DOCK10: variants seen among roughly 807,000 people sequenced by gnomAD.
DOCK10 encodes dedicator of cytokinesis 10, also known as dedicator of cytokinesis protein 10.
DOCK10 carries 145 observed loss-of-function variants against 280.1 expected under a neutral mutation model. That is an observed-to-expected ratio of 0.52 (90% CI 0.45 to 0.59). The LOEUF is 0.59. Among genes scored for constraint, DOCK10 ranks in the 20% least tolerant of loss-of-function variants. The pLI is 0.00. For synonymous variants in DOCK10, 915 were observed against 942.2 expected, an observed-to-expected ratio of 0.97 and a Z score of 0.53; for missense variants, 2,368 against 2,651.7, an observed-to-expected ratio of 0.89 and a Z score of 2.35.
In DOCK10 at chr2:224,804,779, A is replaced by G; in HGVS notation, c.4166+15T>C. On this transcript the variant is annotated intron_variant, in intron 38 of 55. Transcript: ENST00000258390. ...TAAAAGACCAGATTAACCTATTGGAATTTAAAATTAGTACCTTATTATGTT... is the reference window on the plus strand; with the variant it reads ...TAAAAGACCAGATTAACCTATTGGAGTTTAAAATTAGTACCTTATTATGTT... 1 of 1,476,058 alleles carries G rather than the reference A, an allele frequency of 6.8e-7. No individual in the cohort carries two copies. The highest frequency in any genetic ancestry group is 9.1e-7 in the Non-Finnish European group (1 of 1,100,802). The allele number at this position is 1,476,058 out of a possible 1,614,324, so 91.4% of individuals were successfully genotyped here.
At chr2:224,791,875 AAAGTC>A (rs1261343236) in intron 47 of DOCK10, among the ~76,000 whole-genome samples, 122 of 152,326 alleles carry the variant, frequency 8.0e-4, no homozygotes, top group Non-Finnish European at 1.0e-4. Context: ...TATAGCAAGT[AAAGTC>A]CATTTACATT....
Position 224,793,406 on chromosome 2 carries a change from T to C in DOCK10, c.5206A>G (p.Arg1736Gly). The change falls in exon 46 of 56, where the codon AGA (arginine) becomes GGA (glycine). Residue 1736 changes from arginine (R) to glycine (G), a missense_variant. By Grantham distance (125) the Arg-to-Gly change is moderately radical. Transcript: ENST00000258390. ...IAALIAEYLKRKGYWKVEKIC... is the reference protein window; with the variant it reads ...IAALIAEYLKGKGYWKVEKIC... ...CCTCATGTGGTCATCTTACCCTTTC[T>C]TTTCAGATACTCTGCAATGAGAGCA... 1.2e-6 allele frequency: 2 copies of C among 1,613,274 alleles called. No homozygotes were observed. The highest frequency in any genetic ancestry group is 1.7e-4 in the Middle Eastern group (1 of 6,056).
At chr2:225,016,018 G>T (rs953372720) in intron 1 of DOCK10, among the ~76,000 whole-genome samples, 2 of 152,076 alleles carry the variant, frequency 1.3e-5, no homozygotes, top group African/African-American at 4.8e-5. Context: ...CAGAGTTTTT[G>T]CTAGGCCTAA....
At chr2:224,984,866 G>A (rs6720843) in intron 1 of DOCK10, among the ~76,000 whole-genome samples, 14,340 of 138,768 alleles carry the variant, frequency 0.1, 2,289 homozygotes, top group African/African-American at 0.35. Flanking sequence ...TTTTGAGGTT[G>A]AGTTTCGCTC....
chr2:224,829,923 C>A (rs1695112749), intron 27 of DOCK10, among the ~76,000 whole-genome samples: 1 of 152,206 alleles, frequency 6.6e-6, no homozygotes, highest in African/African-American at 2.4e-5. Flanking sequence ...GAAGCAGATT[C>A]ATGAACTTGT....
At chr2:224,886,895 C>CCT (rs1559661980) in intron 4 of DOCK10, among the ~76,000 whole-genome samples, 5 of 151,206 alleles carry the variant, frequency 3.3e-5, no homozygotes, top group African/African-American at 1.2e-4. Context: ...AACACCCCCC[C>CCT]AAGTAGTACC....
intron 14 of DOCK10, among the ~76,000 whole-genome samples, chr2:224,858,602 C>T (rs778267174): frequency 2.6e-5 from 4 of 152,090 alleles, no homozygotes; most frequent in Non-Finnish European, 5.9e-5. Context: ...TGCAGTGAGC[C>T]GAGATTGTGC....
intron 16 of DOCK10, 22 bp downstream of exon 16, chr2:224,854,941 A>C (rs758372749): frequency 1.3e-6 from 2 of 1,582,860 alleles, no homozygotes; most frequent in Non-Finnish European, 1.7e-6. Context: ...TCTGCAACCA[A>C]ACCATGACAT....
chr2:224,940,033 T>G (rs1436521175), intron 1 of DOCK10, among the ~76,000 whole-genome samples: 22 of 152,186 alleles, frequency 1.4e-4, no homozygotes. Flanking sequence ...CTTGGTGGAT[T>G]TGACTAATGA....
intron 19 of DOCK10, among the ~76,000 whole-genome samples, chr2:224,845,995 A>AT (rs1339302816): frequency 6.6e-6 from 1 of 152,240 alleles, no homozygotes; most frequent in East Asian, 1.9e-4. Context: ...AAGTGCTGGG[A>AT]TTACAGGCAT....
rs563199954 is a variant in DOCK10 at position 224,899,207 on chromosome 2, T to A, written c.334-2830A>T. 1.7e-3 allele frequency among the ~76,000 whole-genome samples: 258 copies of A among 152,344 alleles called. 2 individuals carry two copies. Among genetic ancestry groups the A allele is most frequent in the African/African-American group, 6.0e-3 (248 of 41,578 alleles). ...AGTATTTATTTGAATATGAATATTG[T>A]TTTTTATTTACTTCATAACATATTC... On this transcript the variant is annotated intron_variant, in intron 3 of 55. Transcript: ENST00000258390.
At chr2:224,880,912 G>A (rs908143980) in intron 7 of DOCK10, among the ~76,000 whole-genome samples, 1 of 150,618 alleles carries the variant, frequency 6.6e-6, no homozygotes, top group African/African-American at 2.5e-5. Flanking sequence ...TGGTATCGAT[G>A]GCTCCCTTCC....
intron 1 of DOCK10, among the ~76,000 whole-genome samples, chr2:225,035,596 A>T (rs1271138164): frequency 1.1e-5 from 1 of 95,014 alleles, no homozygotes; most frequent in Non-Finnish European, 2.3e-5. Flanking sequence ...ATAACACTGA[A>T]TCAGTGTTAA....
intron 11 of DOCK10, among the ~76,000 whole-genome samples, chr2:224,873,120 C>T (rs1168273924): frequency 1.3e-5 from 2 of 152,184 alleles, no homozygotes. Flanking sequence ...TCCCATCCTA[C>T]TAGTATTTAT....
Position 224,781,025 on chromosome 2 carries a change from C to T in DOCK10, c.5656-2741G>A, listed in dbSNP as rs537869501. 5.3e-5 allele frequency among the ~76,000 whole-genome samples: 8 copies of T among 152,178 alleles called. No homozygotes were observed. In the South Asian group the frequency reaches 6.2e-4, roughly 12 times the overall value. ...ACTTACTGGGAGGCTGTAAGGACCG[C>T]GCTTGGTAAACAGATGGCCTTTGGT... On this transcript the variant is annotated intron_variant, in intron 50 of 55. Coordinates refer to ENST00000258390, the MANE Select transcript of DOCK10 (RefSeq NM_014689.3).
chr2:224,998,527 A>G (rs1312229897), intron 1 of DOCK10, among the ~76,000 whole-genome samples: 4 of 151,830 alleles, frequency 2.6e-5, no homozygotes, highest in Non-Finnish European at 4.4e-5. Context: ...TGCTCCATCA[A>G]TCATTCCTCT....
At chr2:224,951,117 TA>T (rs1408621349) in intron 1 of DOCK10, among the ~76,000 whole-genome samples, 1 of 152,226 alleles carries the variant, frequency 6.6e-6, no homozygotes, top group African/African-American at 2.4e-5. Flanking sequence ...GTCTATTAGA[TA>T]ACGTCCAGCA....
intron 51 of DOCK10, among the ~76,000 whole-genome samples, 191 bp from the exon 52 acceptor site, chr2:224,775,306 C>G (rs1238653696): frequency 6.6e-6 from 1 of 152,128 alleles, no homozygotes; most frequent in African/African-American, 2.4e-5. Context: ...GCTGAGCAGC[C>G]AGGTCTGTAG....
intron 1 of DOCK10, among the ~76,000 whole-genome samples, chr2:225,017,453 A>T (rs1689643641): frequency 7.0e-6 from 1 of 143,630 alleles, no homozygotes; most frequent in Non-Finnish European, 1.5e-5. Flanking sequence ...AGAGAGAGAG[A>T]GCAAGAGCAA....
Sources: gnomAD v4.1 joint callset for allele counts (sites outside exome capture counted in the v4.1 genomes callset) on GRCh38, gnomAD v4.1.1 for gene constraint, MANE v1.5 for transcripts, NCBI Gene and HGNC (gene_info 2026-07-23, HGNC 2026-07-21) for gene names.